GNG2: variants seen among roughly 807,000 people sequenced by gnomAD.
GNG2 encodes the protein G protein subunit gamma 2.
Under a neutral mutation model 5.5 loss-of-function variants are expected in GNG2, and 5 were observed. That is an observed-to-expected ratio of 0.91 (90% CI 0.48 to 1.92). The LOEUF (loss-of-function observed/expected upper bound fraction) is 1.92, where lower values mean the gene tolerates loss of function less well. Among genes scored for constraint, GNG2 ranks in the 30% most tolerant of loss-of-function variants. The probability of loss-of-function intolerance (pLI) is 0.01; values close to 1 mark genes in which losing one functional copy is unlikely to be tolerated. For missense variants in GNG2, 55 were observed against 88.4 expected, an observed-to-expected ratio of 0.62 and a Z score of 1.52; for synonymous variants, 28 against 32.0, an observed-to-expected ratio of 0.88 and a Z score of 0.42.
chr14:51,901,711 T>C (rs1346555039), intron 2 of GNG2, among the ~76,000 whole-genome samples: 2 of 129,838 alleles, frequency 1.5e-5, no homozygotes, highest in Admixed American at 1.7e-4. Flanking sequence ...CAGGTGGCAT[T>C]GGTGGCAGTG....
At chr14:51,888,072 C>G (rs1300313613) in intron 2 of GNG2, among the ~76,000 whole-genome samples, 1 of 151,868 alleles carries the variant, frequency 6.6e-6, no homozygotes, top group Non-Finnish European at 1.5e-5. Context: ...CTGCATACAC[C>G]CATGAAACCA....
chr14:51,908,571 T>G (rs2357302), intron 2 of GNG2, among the ~76,000 whole-genome samples: 50,057 of 149,654 alleles, frequency 0.33, 9,004 homozygotes, highest in Non-Finnish European at 0.41. Context: ...TCCATATATA[T>G]AGAGAGAGAG....
chr14:51,838,680 A>T (rs973599246), intron 2 of GNG2, among the ~76,000 whole-genome samples: 1 of 152,242 alleles, frequency 6.6e-6, no homozygotes, highest in Non-Finnish European at 1.5e-5. Flanking sequence ...ACTCCCGTTT[A>T]TATATACATC....
intron 1 of GNG2, among the ~76,000 whole-genome samples, chr14:51,826,421 A>G (rs1284936937): frequency 6.6e-6 from 1 of 152,238 alleles, no homozygotes; most frequent in East Asian, 1.9e-4. Context: ...GGATGTGCAT[A>G]GATTATATGC....
intron 3 of GNG2, 129 bp from the exon 4 acceptor site, chr14:51,966,430 A>T: frequency 1.3e-6 from 1 of 769,952 alleles, no homozygotes; most frequent in Admixed American, 2.3e-5. Flanking sequence ...AGGAAGCAGA[A>T]GCTTTTAGAG....
At chr14:51,833,446 A>C (rs1197244565) in intron 2 of GNG2, among the ~76,000 whole-genome samples, 1 of 152,166 alleles carries the variant, frequency 6.6e-6, no homozygotes, top group Non-Finnish European at 1.5e-5. Context: ...TTATCTTTTC[A>C]GGAGAAGGCA....
rs917732534 is a variant in GNG2, at chr14:51,946,534, A to G, written c.-29-4116A>G. ...AGGAATGAAGCATCAAAATGTGTAC[A>G]GTTTCAGAGACGGGTGTAAATGGCT... On this transcript the variant is annotated intron_variant, in intron 2 of 3. Transcript: ENST00000556766. Among the ~76,000 whole-genome samples the G allele has an allele frequency of 2.6e-5, 4 of 152,250 alleles. No individual in the cohort carries two copies. In the East Asian group the frequency reaches 5.8e-4, roughly 22 times the overall value.
intron 2 of GNG2, among the ~76,000 whole-genome samples, chr14:51,924,563 C>T (rs1273170853): frequency 6.6e-6 from 1 of 152,202 alleles, no homozygotes; most frequent in Non-Finnish European, 1.5e-5. Flanking sequence ...AATGCCACAA[C>T]AAACTTCTGC....
At chr14:51,877,582 T>TA (rs1883758682) in intron 1 of GNG2, 35 bp from the exon 2 acceptor site, 1 of 455,196 alleles carries the variant, frequency 2.2e-6, no homozygotes, top group South Asian at 1.6e-5. Context: ...TTTTTCCTTT[T>TA]AAAAAATTCG....
In GNG2 at chr14:51,869,712, C is replaced by T. The variant is rs78125172; in HGVS notation, c.-70-7905C>T. Among the ~76,000 whole-genome samples, 736 of 152,188 alleles carry T rather than the reference C, an allele frequency of 4.8e-3. 4 individuals carry two copies. Among genetic ancestry groups the T allele is most frequent in the Admixed American group, 0.013 (198 of 15,280 alleles). ...TATTTGAGTAAAGATGGGGTTTCAC[C>T]GTGTTACCCAGACTGGTCTTGAACT... On this transcript the variant is annotated intron_variant, in intron 1 of 3. Coordinates refer to ENST00000556766, the MANE Select transcript of GNG2 (RefSeq NM_053064.5).
intron 1 of GNG2, among the ~76,000 whole-genome samples, chr14:51,871,141 A>G (rs1335374868): frequency 6.6e-6 from 1 of 152,202 alleles, no homozygotes; most frequent in Non-Finnish European, 1.5e-5. Context: ...TGGGAGAATT[A>G]AATTGGTCCT....
intron 2 of GNG2, among the ~76,000 whole-genome samples, chr14:51,892,581 C>T (rs1308334849): frequency 6.6e-6 from 1 of 152,182 alleles, no homozygotes; most frequent in Non-Finnish European, 1.5e-5. Flanking sequence ...GGATTACAGG[C>T]ATGAGCCACC....
At chr14:51,894,026 G>A (rs1310150761) in intron 2 of GNG2, among the ~76,000 whole-genome samples, 2 of 151,730 alleles carry the variant, frequency 1.3e-5, no homozygotes, top group Non-Finnish European at 2.9e-5. Flanking sequence ...AAAGTAACTG[G>A]GTCCCATTTT....
At chr14:51,953,255 C>T (rs951630898) in intron 3 of GNG2, among the ~76,000 whole-genome samples, 9 of 152,142 alleles carry the variant, frequency 5.9e-5, no homozygotes, top group African/African-American at 2.2e-4. Context: ...AAATACTTTA[C>T]TGAGAGCTTT....
intron 2 of GNG2, among the ~76,000 whole-genome samples, chr14:51,888,486 T>A (rs183439081): frequency 1.3e-5 from 2 of 152,156 alleles, no homozygotes; most frequent in Non-Finnish European, 2.9e-5. Flanking sequence ...GCCTGGCTAA[T>A]TTTTAAATGT....
chr14:51,938,058 C>T (rs1336267773), intron 2 of GNG2, among the ~76,000 whole-genome samples: 1 of 152,208 alleles, frequency 6.6e-6, no homozygotes, highest in African/African-American at 2.4e-5. Flanking sequence ...CTTATTGTAA[C>T]ATGTGCATGC....
intron 2 of GNG2, among the ~76,000 whole-genome samples, chr14:51,854,591 C>CCT (rs1882063562): frequency 6.6e-6 from 1 of 151,074 alleles, no homozygotes; most frequent in African/African-American, 2.4e-5. Context: ...CTCACTGCAA[C>CCT]CTCCTCCTCC....
chr14:51,924,904 G>A (rs144786075), intron 2 of GNG2, among the ~76,000 whole-genome samples: 1 of 152,336 alleles, frequency 6.6e-6, no homozygotes, highest in Non-Finnish European at 1.5e-5. Flanking sequence ...AGCTTGCGCT[G>A]TGTACAGGGC....
At chr14:51,860,126 T>C (rs909853106), upstream of GNG2, among the ~76,000 whole-genome samples, 2 of 151,212 alleles carry the variant, frequency 1.3e-5, no homozygotes, top group Non-Finnish European at 2.9e-5. Flanking sequence ...AGCTCCCAGC[T>C]AGCTGGCTTG....
Sources: gnomAD v4.1 joint callset for allele counts (sites outside exome capture counted in the v4.1 genomes callset) on GRCh38, gnomAD v4.1.1 for gene constraint, MANE v1.5 for transcripts, NCBI Gene and HGNC (gene_info 2026-07-23, HGNC 2026-07-21) for gene names.